MARCHF6: variants seen among roughly 807,000 people sequenced by gnomAD.
MARCHF6 encodes E3 ubiquitin-protein ligase MARCHF6.
MARCHF6 carries 31 observed loss-of-function variants against 133.7 expected under a neutral mutation model. The observed-to-expected ratio is 0.23, with a 90% CI of 0.17 to 0.31. The LOEUF is 0.31. Ranked by LOEUF, MARCHF6 falls within the 10% of genes least tolerant of loss-of-function variation. MARCHF6 has a pLI of 1.00. For missense variants in MARCHF6, 723 were observed against 1,121.6 expected, an observed-to-expected ratio of 0.64 and a Z score of 5.08; for synonymous variants, 395 against 402.5, an observed-to-expected ratio of 0.98 and a Z score of 0.22.
In MARCHF6 at chr5:10,353,842, T is replaced by C; in HGVS notation, c.-57T>C. 2 of 1,514,918 alleles carry C rather than the reference T, an allele frequency of 1.3e-6. No individual in the cohort carries two copies. Among genetic ancestry groups the C allele is most frequent in the East Asian group, 2.6e-5 (1 of 39,152 alleles). The allele number at this position is 1,514,918 out of a possible 1,614,324, so 93.8% of individuals were successfully genotyped here. A position where few individuals can be genotyped will look rare whatever the true frequency, so the allele number is the denominator to read the frequency against. Reference sequence around the variant, plus strand: ...CTCCCTCCTCCTCTCCCCTCCCTCTTTCCCCGCCCGGCCGCGGGAGCCTCG... The same window carrying C: ...CTCCCTCCTCCTCTCCCCTCCCTCTCTCCCCGCCCGGCCGCGGGAGCCTCG... On this transcript the variant is annotated 5_prime_UTR_variant, in exon 1 of 26. Coordinates refer to ENST00000274140, the MANE Select transcript of MARCHF6 (RefSeq NM_005885.4).
intron 1 of MARCHF6, among the ~76,000 whole-genome samples, chr5:10,377,035 A>G (rs78445728): frequency 2.0e-5 from 3 of 152,182 alleles, no homozygotes; most frequent in African/African-American, 7.2e-5. Flanking sequence ...TAGGAGCTTT[A>G]GAGCGAGAGT....
intron 22 of MARCHF6, among the ~76,000 whole-genome samples, chr5:10,418,742 A>G (rs1739670347): frequency 6.6e-6 from 1 of 152,186 alleles, no homozygotes; most frequent in South Asian, 2.1e-4. Context: ...TGGTGTACCC[A>G]CACCCTGGAT....
chr5:10,380,588 A>T (rs916792380), intron 3 of MARCHF6, among the ~76,000 whole-genome samples: 3 of 152,186 alleles, frequency 2.0e-5, no homozygotes, highest in African/African-American at 7.2e-5. Context: ...TGTATACCAG[A>T]TATCCTATCG....
In MARCHF6 at chr5:10,437,132, A is replaced by T. The variant is rs531365246; in HGVS notation, c.*3448A>T. ...TGCGAATGTGCGTGAACACACGCAC[A>T]CGTGCAGGAGAATGTAGTGCCATAA... On this transcript the variant is annotated 3_prime_UTR_variant, in exon 26 of 26. Coordinates refer to ENST00000274140, the MANE Select transcript of MARCHF6 (RefSeq NM_005885.4). 6.6e-6 allele frequency: 1 copy of T among 152,394 alleles called. No individual in the cohort carries two copies. The highest frequency in any genetic ancestry group is 2.4e-5 in the African/African-American group (1 of 41,596). The allele number at this position is 152,394 out of a possible 1,614,324, so 9.4% of individuals were successfully genotyped here. A position where few individuals can be genotyped will look rare whatever the true frequency, so the allele number is the denominator to read the frequency against.
At chr5:10,382,539 C>A (rs1309921655) in intron 4 of MARCHF6, among the ~76,000 whole-genome samples, 3 of 148,684 alleles carry the variant, frequency 2.0e-5, no homozygotes, top group Non-Finnish European at 3.0e-5. Context: ...TAAAAAAATA[C>A]TCACATGGCC....
intron 1 of MARCHF6, among the ~76,000 whole-genome samples, chr5:10,368,482 TAAAG>T (rs1736269550): frequency 6.6e-6 from 1 of 151,978 alleles, no homozygotes; most frequent in Non-Finnish European, 1.5e-5. Context: ...CTACAAAAAA[TAAAG>T]AAAAATTTAG....
intron 1 of MARCHF6, among the ~76,000 whole-genome samples, chr5:10,360,949 C>A (rs1348006924): frequency 1.3e-5 from 2 of 152,202 alleles, no homozygotes; most frequent in Admixed American, 6.5e-5. Flanking sequence ...GTGGGTTTTA[C>A]TTCTGTCCTG....
chr5:10,372,229 T>C (rs1314001391), intron 1 of MARCHF6, among the ~76,000 whole-genome samples: 1 of 152,072 alleles, frequency 6.6e-6, no homozygotes, highest in Non-Finnish European at 1.5e-5. Flanking sequence ...GTTTTTCTCC[T>C]AAGACCCAAT....
At chr5:10,402,016 A>T (rs764786738) in intron 11 of MARCHF6, 43 bp from the exon 12 acceptor site, 2 of 1,156,968 alleles carry the variant, frequency 1.7e-6, no homozygotes, top group Non-Finnish European at 2.6e-6. Context: ...GGTGTAGAAC[A>T]TGTTGTAAAA....
rs1262967606 is a variant in MARCHF6 at position 10,360,987 on chromosome 5, G to A, written c.19+7070G>A. On this transcript the variant is annotated intron_variant, in intron 1 of 25. Transcript: ENST00000274140. ...AGACTATGAAGATCACTTATTTTTA[G>A]TATAATACAGTTAGAACAGAAAGAG... Among the ~76,000 whole-genome samples, 4 of 152,284 alleles carry A rather than the reference G, an allele frequency of 2.6e-5. No homozygotes were observed. In the South Asian group the frequency reaches 6.2e-4, roughly 24 times the overall value.
At chr5:10,417,209 G>A in intron 21 of MARCHF6, 61 bp from the exon 22 acceptor site, 1 of 1,572,046 alleles carries the variant, frequency 6.4e-7, no homozygotes, top group Non-Finnish European at 8.6e-7. Context: ...ACCTCAAAAT[G>A]GAAATAGAGT....
intron 1 of MARCHF6, among the ~76,000 whole-genome samples, chr5:10,376,411 C>G (rs1736782968): frequency 6.6e-6 from 1 of 151,858 alleles, no homozygotes; most frequent in African/African-American, 2.4e-5. Context: ...GTCCGAACAT[C>G]AGAAGGAACA....
At chr5:10,433,546 C>T in intron 25 of MARCHF6, 48 bp from the exon 26 acceptor site, 2 of 1,340,882 alleles carry the variant, frequency 1.5e-6, no homozygotes, top group Non-Finnish European at 2.1e-6. Context: ...GAATGTTTTA[C>T]TCTGTACATT....
Position 10,397,279 on chromosome 5 carries a change from C to A in MARCHF6, c.862-14C>A. On this transcript the variant is annotated splice_polypyrimidine_tract_variant and intron_variant, in intron 9 of 25. Transcript: ENST00000274140. The stretch of plus-strand genomic sequence containing the variant: ...ATGAATTGAATATGCTTTATTGATG[C>A]TTTTTTCCTTTAGGAACATGTCTTC... 6.5e-7 allele frequency: 1 copy of A among 1,543,934 alleles called. No individual in the cohort carries two copies. The highest frequency in any genetic ancestry group is 1.2e-5 in the South Asian group (1 of 80,110).
chr5:10,412,412 T>G (rs1739281287), intron 19 of MARCHF6, among the ~76,000 whole-genome samples: 1 of 152,312 alleles, frequency 6.6e-6, no homozygotes, highest in South Asian at 2.1e-4. Context: ...GTTCTTAATA[T>G]GGACCCAAAG....
intron 24 of MARCHF6, among the ~76,000 whole-genome samples, chr5:10,429,440 G>GT (rs1740258742): frequency 6.7e-6 from 1 of 150,306 alleles, no homozygotes. Flanking sequence ...TGTTGTCCAG[G>GT]TTGGAGTGCA....
intron 20 of MARCHF6, 39 bp from the exon 21 acceptor site, chr5:10,415,449 C>A: frequency 6.4e-7 from 1 of 1,562,324 alleles, no homozygotes; most frequent in Non-Finnish European, 8.8e-7. Flanking sequence ...TTCTCTTTAC[C>A]TAGCCACATG....
At chr5:10,358,324 CTT>C (rs1447533393) in intron 1 of MARCHF6, among the ~76,000 whole-genome samples, 2 of 152,082 alleles carry the variant, frequency 1.3e-5, no homozygotes, top group African/African-American at 2.4e-5. Context: ...ACTTCATTGA[CTT>C]TTATAGTGAG....
In MARCHF6 at chr5:10,417,348, A is replaced by C; in HGVS notation, c.2227A>C (p.Ile743Leu). The change falls in exon 22 of 26, where the codon ATT becomes CTT. Residue 743 changes from isoleucine (I) to leucine (L), a missense_variant. Physicochemically the swap from Ile to Leu is conservative, Grantham distance 5. Around this residue, in one of 4 missense-constraint regions of MARCHF6, gnomAD observed 492 missense variants for 699.5 expected, o/e 0.70. Transcript: ENST00000274140. ...LLLGLLFELV[I>L]VAPLRVPLDQ... ...TCTGGGGCTCCTGTTTGAGCTGGTCATTGTGGCTCCCCTGAGGGTTCCCTT... is the reference window on the plus strand; with the variant it reads ...TCTGGGGCTCCTGTTTGAGCTGGTCCTTGTGGCTCCCCTGAGGGTTCCCTT... 1 of 1,614,098 alleles carries C rather than the reference A, an allele frequency of 6.2e-7. No individual in the cohort carries two copies. Among genetic ancestry groups the C allele is most frequent in the Non-Finnish European group, 8.5e-7 (1 of 1,180,004 alleles).
Sources: gnomAD v4.1 joint callset for allele counts (sites outside exome capture counted in the v4.1 genomes callset) on GRCh38, gnomAD v4.1.1 for gene constraint, gnomAD v4.1.1 regional missense constraint, MANE v1.5 for transcripts, NCBI Gene and HGNC (gene_info 2026-07-23, HGNC 2026-07-21) for gene names.